Variants in LPP observed in about 807,000 individuals in gnomAD.
The protein encoded by LPP is lipoma-preferred partner.
In LPP, 38 loss-of-function variants were observed where a neutral mutation model predicts 60.4. The observed-to-expected ratio is 0.63, with a 90% CI of 0.49 to 0.83. The LOEUF (loss-of-function observed/expected upper bound fraction) is 0.83. Ranked by LOEUF, LPP falls within the 40% of genes least tolerant of loss-of-function variation. The pLI is 0.00. For missense variants in LPP, 902 were observed against 783.6 expected (o/e 1.15, Z -1.80); for synonymous variants, 328 against 290.8 (o/e 1.13, Z -1.30).
intron 9 of LPP, among the ~76,000 whole-genome samples, chr3:188,772,185 C>T (rs1342170801): frequency 2.0e-5 from 3 of 152,160 alleles, no homozygotes; most frequent in Non-Finnish European, 4.4e-5. Flanking sequence ...ATTCTTTTTA[C>T]AACACTTGCC....
At position 188,840,370 on chromosome 3, in the gene LPP, AGCC is replaced by A. The variant is rs1759632285; in HGVS notation, c.1411-25829_1411-25827del. On this transcript the variant is annotated intron_variant, in intron 9 of 11. Coordinates refer to ENST00000617246, the MANE Select transcript of LPP (RefSeq NM_001375462.1). ...ACTAGATACTGAAAATGCAAAAGGAAGCCATATTGACACTCCCAAGGATAAGGG... is the reference window on the plus strand; with the variant it reads ...ACTAGATACTGAAAATGCAAAAGGAAATATTGACACTCCCAAGGATAAGGG... Among the ~76,000 whole-genome samples the A allele has an allele frequency of 1.3e-5, 2 of 152,348 alleles. 1 individual carries two copies. Among genetic ancestry groups the A allele is most frequent in the African/African-American group, 4.8e-5 (2 of 41,578 alleles).
intron 4 of LPP, among the ~76,000 whole-genome samples, chr3:188,453,418 G>A (rs550341395): frequency 1.7e-4 from 26 of 152,064 alleles, no homozygotes; most frequent in Non-Finnish European, 3.1e-4. Context: ...GATACCGACC[G>A]GATCCTATCC....
chr3:188,286,762 G>A (rs6444280), intron 2 of LPP, among the ~76,000 whole-genome samples: 9,514 of 152,092 alleles, frequency 0.063, 755 homozygotes, highest in African/African-American at 0.19. Context: ...ATTAAGCCTG[G>A]ACCATTTCAA....
At chr3:188,358,621 G>A (rs1281454658) in intron 3 of LPP, among the ~76,000 whole-genome samples, 1 of 152,140 alleles carries the variant, frequency 6.6e-6, no homozygotes, top group Non-Finnish European at 1.5e-5. Flanking sequence ...AATAAACAGT[G>A]GAAGAGATGC....
chr3:188,511,267 TC>T (rs1463614178), intron 5 of LPP, among the ~76,000 whole-genome samples: 17 of 82,882 alleles, frequency 2.1e-4, no homozygotes, highest in African/African-American at 7.3e-4. Flanking sequence ...CTTCCCTCCT[TC>T]CTTTCCCTCC....
At chr3:188,358,903 C>T (rs1041523458) in intron 3 of LPP, among the ~76,000 whole-genome samples, 6 of 152,146 alleles carry the variant, frequency 3.9e-5, no homozygotes, top group African/African-American at 1.2e-4. Context: ...AGTGGCCACA[C>T]GAGTCTGGAA....
intron 9 of LPP, among the ~76,000 whole-genome samples, chr3:188,815,913 T>C (rs748438988): frequency 6.6e-6 from 1 of 152,224 alleles, no homozygotes. Flanking sequence ...CTGGGGTCTT[T>C]GTATCAACAA....
At chr3:188,410,893 T>A (rs1000656266) in intron 4 of LPP, among the ~76,000 whole-genome samples, 14 of 152,156 alleles carry the variant, frequency 9.2e-5, no homozygotes, top group Admixed American at 4.6e-4. Context: ...TTCCCATCCT[T>A]CACCCTGAGT....
At chr3:188,523,115 C>T (rs1455684170) in intron 5 of LPP, among the ~76,000 whole-genome samples, 1 of 151,970 alleles carries the variant, frequency 6.6e-6, no homozygotes, top group Non-Finnish European at 1.5e-5. Flanking sequence ...CCATGTTGGC[C>T]AGGCTGGTCT....
At chr3:188,614,640 A>T (rs533143428) in intron 7 of LPP, among the ~76,000 whole-genome samples, 4 of 152,330 alleles carry the variant, frequency 2.6e-5, no homozygotes, top group African/African-American at 9.6e-5. Context: ...ACTTAACGTC[A>T]TATGTCAAAT....
At chr3:188,745,968 T>C (rs1354316197) in intron 8 of LPP, among the ~76,000 whole-genome samples, 2 of 152,180 alleles carry the variant, frequency 1.3e-5, no homozygotes. Flanking sequence ...CTGACTCTCA[T>C]CCCGTTGCAC....
intron 4 of LPP, among the ~76,000 whole-genome samples, chr3:188,429,007 A>G (rs1461181588): frequency 6.6e-6 from 1 of 152,148 alleles, no homozygotes; most frequent in African/African-American, 2.4e-5. Context: ...TCCTAGGGAA[A>G]GGAACAATGA....
chr3:188,609,718 A>C lies in LPP; in HGVS notation c.987A>C (p.Glu329Asp), dbSNP rs1439460852. ...QQGHPNTWKR[E>D]PGYTPPGAGN... ...GTCACCCAAATACCTGGAAACGGGA[A>C]CCAGGGTACACTCCTCCTGGAGCAG... The change falls in exon 7 of 12, where the codon GAA becomes GAC. Residue 329 changes from glutamate (E) to aspartate (D), a missense_variant. Physicochemically the swap from Glu to Asp is conservative, Grantham distance 45. Coordinates refer to ENST00000617246, the MANE Select transcript of LPP (RefSeq NM_001375462.1). The surrounding 1 kb of genome is among the most constrained non-coding windows in gnomAD (Gnocchi z 6.9). 4.3e-6 allele frequency: 7 copies of C among 1,614,128 alleles called. No individual in the cohort carries two copies. The highest frequency in any genetic ancestry group is 5.9e-6 in the Non-Finnish European group (7 of 1,180,010).
chr3:188,307,776 A>G (rs887545604), intron 2 of LPP, among the ~76,000 whole-genome samples: 1 of 152,226 alleles, frequency 6.6e-6, no homozygotes. Context: ...AGATAAGCTC[A>G]TAACTGGGAT....
intron 7 of LPP, among the ~76,000 whole-genome samples, chr3:188,635,769 C>T (rs1848614951): frequency 6.6e-6 from 1 of 152,050 alleles, no homozygotes; most frequent in Admixed American, 6.5e-5. Flanking sequence ...TAGCACTTCC[C>T]CAGTGGCACA....
At chr3:188,412,965 T>G (rs547098696) in intron 4 of LPP, among the ~76,000 whole-genome samples, 1 of 152,264 alleles carries the variant, frequency 6.6e-6, no homozygotes, top group Admixed American at 6.5e-5. Flanking sequence ...GTTTCCTAAA[T>G]GCACTCATTC....
chr3:188,291,922 G>T (rs1746125852), intron 2 of LPP, among the ~76,000 whole-genome samples: 1 of 152,146 alleles, frequency 6.6e-6, no homozygotes, highest in Non-Finnish European at 1.5e-5. Context: ...TGATTTGATT[G>T]TAAGGAGGTA....
At chr3:188,733,848 G>A (rs74776244) in intron 8 of LPP, among the ~76,000 whole-genome samples, 8,323 of 152,138 alleles carry the variant, frequency 0.055, 325 homozygotes, top group Non-Finnish European at 0.081. Flanking sequence ...TATGCATTTT[G>A]TCAAGATTGT....
intron 2 of LPP, among the ~76,000 whole-genome samples, chr3:188,291,840 A>G (rs553798825): frequency 4.6e-5 from 7 of 152,188 alleles, no homozygotes; most frequent in Non-Finnish European, 1.0e-4. Context: ...GAAGTGAAAT[A>G]AGTTTTCTTA....
Sources: allele counts gnomAD v4.1 joint callset (sites outside exome capture counted in the v4.1 genomes callset), GRCh38; gene constraint gnomAD v4.1.1; non-coding constraint Gnocchi (gnomAD v3.1); transcripts MANE v1.5; gene names NCBI Gene and HGNC (gene_info 2026-07-23, HGNC 2026-07-21).